The following KLHL30 variants were observed in gnomAD, a reference collection of about 807,000 sequenced individuals.
The protein encoded by KLHL30 is kelch like family member 30.
KLHL30 carries 55 observed loss-of-function variants against 55.0 expected under a neutral mutation model. The ratio of observed to expected loss-of-function variants is 1.00; its 90% CI spans 0.80 to 1.25. KLHL30 has a LOEUF of 1.25. KLHL30 is among the 50% of genes most tolerant of loss of function. KLHL30 has a pLI of 0.00. For synonymous variants in KLHL30, 356 were observed against 372.6 expected (o/e 0.96, Z 0.51); for missense variants, 786 against 811.6 (o/e 0.97, Z 0.38).
Position 238,142,783 on chromosome 2 carries a change from G to A in KLHL30, c.775-16G>A. 7.3e-7 allele frequency: 1 copy of A among 1,379,210 alleles called. No homozygotes were observed. Among genetic ancestry groups the A allele is most frequent in the Non-Finnish European group, 9.4e-7 (1 of 1,067,954 alleles). The allele number at this position is 1,379,210 out of a possible 1,614,324, so 85.4% of individuals were successfully genotyped here. On this transcript the variant is annotated splice_polypyrimidine_tract_variant and intron_variant, in intron 2 of 7. Coordinates refer to ENST00000409223, the MANE Select transcript of KLHL30 (RefSeq NM_198582.4). ...ACACATTGCTGTTGCCCTGACCCTG[G>A]CCTCCCACCCCACAGGCACCACTCG...
chr2:238,139,015 C>G (rs555346727), intron 1 of KLHL30, among the ~76,000 whole-genome samples: 2 of 152,310 alleles, frequency 1.3e-5, no homozygotes, highest in South Asian at 2.1e-4. Context: ...GCCAGGGCCA[C>G]TCAGCCACAG....
intron 3 of KLHL30, among the ~76,000 whole-genome samples, chr2:238,144,048 T>G (rs958477399): frequency 5.9e-5 from 9 of 152,252 alleles, no homozygotes; most frequent in Admixed American, 1.3e-4. Context: ...ATTGTCTTGA[T>G]TTTCCAAAGC....
intron 3 of KLHL30, 77 bp from the exon 4 acceptor site, chr2:238,144,825 A>G: frequency 1.9e-6 from 2 of 1,070,312 alleles, no homozygotes; most frequent in East Asian, 5.1e-5. Context: ...ATGGAAAGGC[A>G]CCTGGGAAGG....
intron 3 of KLHL30, 105 bp downstream of exon 3, chr2:238,143,036 G>C: frequency 7.5e-7 from 1 of 1,325,656 alleles, no homozygotes; most frequent in South Asian, 2.0e-5. Flanking sequence ...CAGAGGACCG[G>C]GAGCTGTGTG....
chr2:238,145,978 G>T, intron 5 of KLHL30, 146 bp downstream of exon 5: 2 of 1,047,726 alleles, frequency 1.9e-6, no homozygotes, highest in Non-Finnish European at 2.7e-6. Flanking sequence ...GTCTGGTGGG[G>T]CGGGCAAGCC....
chr2:238,140,406 C>A (rs1692510190), intron 1 of KLHL30, among the ~76,000 whole-genome samples: 2 of 152,198 alleles, frequency 1.3e-5, no homozygotes. Flanking sequence ...GGCATGGGTT[C>A]TTTTGCCAAC....
In KLHL30 at chr2:238,140,790, G is replaced by A. The variant is rs1318474746; in HGVS notation, c.36G>A (p.Leu12=). The change falls in exon 2 of 8, where the codon CTG becomes CTA. Residue 12 remains leucine, a synonymous_variant. Transcript: ENST00000409223. ...ACGTGGATGACCTGGATTTCCACCT[G>A]CCCTCGCATGCCCAGGACATGCTGG... is the stretch of plus-strand genomic sequence containing the variant. The part of the protein sequence containing the change: ...VRNVDDLDFH[L]PSHAQDMLDG... The A allele has an allele frequency of 7.6e-6, 12 of 1,573,380 alleles. No individual in the cohort carries two copies. Among genetic ancestry groups the A allele is most frequent in the Non-Finnish European group, 1.0e-5 (12 of 1,155,238 alleles).
In KLHL30 at chr2:238,151,106, CCCT is replaced by C. The variant is rs1462275255; in HGVS notation, c.*43_*45del. On this transcript the variant is annotated 3_prime_UTR_variant, in exon 8 of 8. Transcript: ENST00000409223. The stretch of plus-strand genomic sequence containing the variant: ...CCCGGGGAGGAGTCCCCACAGCGGC[CCCT>C]CATCAGCCTGTGGAACGGCCCCTTT... 6.5e-7 allele frequency: 1 copy of C among 1,547,790 alleles called. No homozygotes were observed. The highest frequency in any genetic ancestry group is 1.4e-5 in the African/African-American group (1 of 73,148).
At chr2:238,149,977 C>A (rs1490645266) in intron 7 of KLHL30, among the ~76,000 whole-genome samples, 1 of 152,208 alleles carries the variant, frequency 6.6e-6, no homozygotes, top group East Asian at 1.9e-4. Context: ...TGCAGCCCCC[C>A]TGCAGGCTGC....
chr2:238,144,197 A>G (rs1004307626), intron 3 of KLHL30, among the ~76,000 whole-genome samples: 1 of 152,138 alleles, frequency 6.6e-6, no homozygotes, highest in Non-Finnish European at 1.5e-5. Context: ...TGAAGTCCCC[A>G]TAGCTCCCGG....
rs1326312332 is a variant in KLHL30, at chr2:238,148,998, C to A, written c.1340-9C>A. ...TGGTGACGGTGGCCAGTGCCCGTGC[C>A]CCCCACAGATGCGTGGAGTGTGATC... On this transcript the variant is annotated splice_polypyrimidine_tract_variant and intron_variant, in intron 6 of 7. Transcript: ENST00000409223. The A allele has an allele frequency of 1.3e-6, 2 of 1,583,956 alleles. No homozygotes were observed. Among genetic ancestry groups the A allele is most frequent in the Non-Finnish European group, 1.7e-6 (2 of 1,165,422 alleles).
chr2:238,140,512 T>C (rs1484873925), intron 1 of KLHL30, among the ~76,000 whole-genome samples, 173 bp from the exon 2 acceptor site: 1 of 152,062 alleles, frequency 6.6e-6, no homozygotes, highest in Non-Finnish European at 1.5e-5. Context: ...CTGCCCTACC[T>C]TGCAGGGTTC....
Position 238,142,936 on chromosome 2 carries a change from G to A in KLHL30, c.907+5G>A. 6.6e-7 allele frequency: 1 copy of A among 1,506,346 alleles called. No homozygotes were observed. The highest frequency in any genetic ancestry group is 1.4e-5 in the South Asian group (1 of 73,194). 93.3% of individuals were successfully genotyped at this position (1,506,346 alleles called of 1,614,324 possible). A position where few individuals can be genotyped will look rare whatever the true frequency, so the allele number is the denominator to read the frequency against. On this transcript the variant is annotated splice_donor_5th_base_variant and intron_variant, in intron 3 of 7. Transcript: ENST00000409223. ...CCTTCTACAACAGCAAGGCCAGTGA[G>A]TACCCCTCCCGCGTCCAGACCCACC...
chr2:238,138,847 C>G (rs6431585), intron 1 of KLHL30, 89 bp downstream of exon 1: 51,011 of 152,534 alleles, frequency 0.33, 8,928 homozygotes, highest in African/African-American at 0.44. Flanking sequence ...GTTAGGCCCC[C>G]GAGGCCAGGG....
chr2:238,140,766 C>T lies in KLHL30; in HGVS notation c.12C>T (p.Asn4=), dbSNP rs780821744. The T allele has an allele frequency of 5.9e-6, 9 of 1,533,002 alleles. No homozygotes were observed. The highest frequency in any genetic ancestry group is 4.8e-5 in the East Asian group (2 of 41,776). 95.0% of individuals were successfully genotyped at this position (1,533,002 alleles called of 1,614,324 possible). A position where few individuals can be genotyped will look rare whatever the true frequency, so the allele number is the denominator to read the frequency against. The part of the protein sequence containing the change: MVR[N]VDDLDFHLPS... ...CTGGGCACGGCGTCATGGTGCGGAA[C>T]GTGGATGACCTGGATTTCCACCTGC... is the stretch of plus-strand genomic sequence containing the variant. Residue 4 remains asparagine (N), a synonymous_variant, in exon 2 of 8, where the codon AAC becomes AAT. Coordinates refer to ENST00000409223, the MANE Select transcript of KLHL30 (RefSeq NM_198582.4).
Position 238,150,979 on chromosome 2 carries a change from C to T in KLHL30, c.1651C>T (p.Arg551Trp), listed in dbSNP as rs781677665. The change falls in exon 8 of 8, where the codon CGG becomes TGG. Residue 551 changes from arginine to tryptophan, a missense_variant. Arg to Trp is a moderately radical substitution (Grantham distance 101). Transcript: ENST00000409223. Reference sequence around the variant, plus strand: ...CTGGACCCGCCACGGCGCCCTGCCCCGGCTCTGGCTCTACCACGGGGCCTC... The same window carrying T: ...CTGGACCCGCCACGGCGCCCTGCCCTGGCTCTGGCTCTACCACGGGGCCTC... The part of the protein sequence containing the change: ...DTWTRHGALP[R>W]LWLYHGASTV... The T allele has an allele frequency of 3.3e-5, 52 of 1,590,468 alleles. No individual in the cohort carries two copies. The highest frequency in any genetic ancestry group is 4.3e-5 in the Non-Finnish European group (50 of 1,169,962).
At position 238,151,746 on chromosome 2, in the gene KLHL30, C is replaced by A; in HGVS notation, c.*681C>A. The A allele has an allele frequency of 2.9e-6, 1 of 340,900 alleles. No homozygotes were observed. Among genetic ancestry groups the A allele is most frequent in the Non-Finnish European group, 4.2e-6 (1 of 240,468 alleles). The allele number at this position is 340,900 out of a possible 1,614,324, so 21.1% of individuals were successfully genotyped here. A position where few individuals can be genotyped will look rare whatever the true frequency, so the allele number is the denominator to read the frequency against. On this transcript the variant is annotated 3_prime_UTR_variant, in exon 8 of 8. Transcript: ENST00000409223. ...CAGAGGGCGGTGCCCACAGAGGCAC[C>A]AGGAAGGAGGGAGGCAGGGCGTGGG...
intron 3 of KLHL30, among the ~76,000 whole-genome samples, chr2:238,144,420 AAGGAAGGAAGGAAGGCAGGC>A (rs1186764654): frequency 3.1e-3 from 307 of 98,684 alleles, no homozygotes; most frequent in African/African-American, 6.5e-3. Flanking sequence ...GGAAGGAAGG[AAGGAAGGAAGGAAGGCAGGC>A]AGGCAGGCAG....
Position 238,151,001 on chromosome 2 carries a change from C to A in KLHL30, c.1673C>A (p.Ala558Asp). ...CCCCGGCTCTGGCTCTACCACGGGGCCTCCACCGTCTTCCTGGATGTCTCC... is the reference window on the plus strand; with the variant it reads ...CCCCGGCTCTGGCTCTACCACGGGGACTCCACCGTCTTCCTGGATGTCTCC... ...ALPRLWLYHG[A>D]STVFLDVSKW... The change falls in exon 8 of 8, where the codon GCC becomes GAC. Residue 558 changes from alanine (A) to aspartate (D), a missense_variant. Ala to Asp is a moderately radical substitution (Grantham distance 126). Transcript: ENST00000409223. 2.5e-6 allele frequency: 4 copies of A among 1,589,448 alleles called. No homozygotes were observed. Among genetic ancestry groups the A allele is most frequent in the Non-Finnish European group, 3.4e-6 (4 of 1,169,246 alleles).
Sources: gnomAD v4.1 joint callset for allele counts (sites outside exome capture counted in the v4.1 genomes callset) on GRCh38, gnomAD v4.1.1 for gene constraint, MANE v1.5 for transcripts, NCBI Gene and HGNC (gene_info 2026-07-23, HGNC 2026-07-21) for gene names.